The following DOCK4 variants were observed in gnomAD, a reference collection of about 807,000 sequenced individuals.
DOCK4 encodes dedicator of cytokinesis protein 4.
In DOCK4, 97 loss-of-function variants were observed where a neutral mutation model predicts 268.1. The observed-to-expected ratio is 0.36, with a 90% CI of 0.31 to 0.43. The LOEUF (loss-of-function observed/expected upper bound fraction) is 0.43. DOCK4 is among the 20% of genes least tolerant of loss of function. The pLI, the probability that DOCK4 is intolerant of heterozygous loss-of-function variation, is 1.00. For missense variants in DOCK4, 2,145 were observed against 2,455.7 expected (o/e 0.87, Z 2.67); for synonymous variants, 954 against 887.2 (o/e 1.08, Z -1.34).
chr7:112,054,779 G>A (rs570045592), intron 1 of DOCK4, among the ~76,000 whole-genome samples: 6 of 152,200 alleles, frequency 3.9e-5, no homozygotes, highest in African/African-American at 1.4e-4. Flanking sequence ...GTTCGTTTAT[G>A]AGCAACAATA....
At chr7:111,994,300 A>G (rs1445232850) in intron 4 of DOCK4, 69 bp from the exon 5 acceptor site, 2 of 1,004,484 alleles carry the variant, frequency 2.0e-6, no homozygotes, top group Non-Finnish European at 2.9e-6. Context: ...TAAATACTCT[A>G]AAAGATAACT....
At chr7:111,818,947 C>T (rs371976694) in intron 27 of DOCK4, among the ~76,000 whole-genome samples, 10 of 152,228 alleles carry the variant, frequency 6.6e-5, no homozygotes, top group African/African-American at 1.2e-4. Flanking sequence ...CCTCATATCA[C>T]GGTGCTCTTT....
chr7:112,161,304 A>C (rs1427474959), intron 1 of DOCK4, among the ~76,000 whole-genome samples: 1 of 152,218 alleles, frequency 6.6e-6, no homozygotes, highest in East Asian at 1.9e-4. Context: ...ATGTATGCCC[A>C]TTGCAAAATC....
chr7:111,894,818 T>C (rs910867488), intron 16 of DOCK4, among the ~76,000 whole-genome samples: 1 of 152,178 alleles, frequency 6.6e-6, no homozygotes, highest in South Asian at 2.1e-4. Context: ...AGCTTTTGAA[T>C]GGGTCTTAAG....
In DOCK4 at chr7:111,754,429, G is replaced by A. The variant is rs139755533; in HGVS notation, c.4416+1086C>T. Among the ~76,000 whole-genome samples the A allele has an allele frequency of 1.9e-4, 29 of 152,290 alleles. 1 individual carries two copies. In the East Asian group the frequency reaches 5.6e-3, roughly 29 times the overall value. On this transcript the variant is annotated intron_variant, in intron 42 of 52. Transcript: ENST00000428084. ...AGCTGTTCTTTCTTCTGGATTGACA[G>A]AATAGGCTTGTGACCTAAATAAGGT... is the stretch of plus-strand genomic sequence containing the variant.
intron 1 of DOCK4, among the ~76,000 whole-genome samples, chr7:112,073,898 TAGA>T (rs1563058994): frequency 6.6e-6 from 1 of 152,116 alleles, no homozygotes; most frequent in Admixed American, 6.6e-5. Flanking sequence ...TTCAGAAAAC[TAGA>T]AGATTTTAAA....
At chr7:112,204,206 G>T (rs1047888968) in intron 1 of DOCK4, among the ~76,000 whole-genome samples, 1 of 152,262 alleles carries the variant, frequency 6.6e-6, no homozygotes, top group East Asian at 1.9e-4. Context: ...CGCTTGTAAA[G>T]AAAGGCAAGA....
chr7:111,871,940 A>G, intron 20 of DOCK4, 50 bp downstream of exon 20: 1 of 1,426,204 alleles, frequency 7.0e-7, no homozygotes, highest in Non-Finnish European at 9.4e-7. Flanking sequence ...CTGCTGAGAA[A>G]AGCTTGAAAG....
At chr7:112,104,810 C>G (rs761931071) in intron 1 of DOCK4, among the ~76,000 whole-genome samples, 1 of 152,020 alleles carries the variant, frequency 6.6e-6, no homozygotes. Context: ...ATACTTATCT[C>G]ACAGCTCTGG....
rs560689519 is a variant in DOCK4, at chr7:111,847,086, G to A, written c.2514C>T (p.Leu838=). The change falls in exon 24 of 53, where the codon CTC becomes CTT. Residue 838 remains leucine (L), a synonymous_variant. Transcript: ENST00000428084. ...CCTTCTGTTCTTGCAAGTGAATGTG[G>A]AGGTGATGTAACACGACAGGCAGAA... ...YILLPVVLHH[L]HIHLQEQKDL... The A allele has an allele frequency of 1.2e-4, 192 of 1,613,822 alleles. 5 individuals carry two copies. The South Asian group carries it at 1.9e-3, about 16-fold the overall frequency.
intron 1 of DOCK4, among the ~76,000 whole-genome samples, chr7:112,028,122 C>A (rs1027247322): frequency 1.3e-5 from 2 of 152,138 alleles, no homozygotes; most frequent in Non-Finnish European, 2.9e-5. Flanking sequence ...ATCTAGGGAG[C>A]AACTGGTAGC....
chr7:111,790,694 G>C lies in DOCK4; in HGVS notation c.3167-89C>G, dbSNP rs1292390541. 6 of 1,348,804 alleles carry C rather than the reference G, an allele frequency of 4.4e-6. No homozygotes were observed. In the East Asian group the frequency reaches 1.3e-4, roughly 29 times the overall value. 83.6% of individuals were successfully genotyped at this position (1,348,804 alleles called of 1,614,324 possible). A position where few individuals can be genotyped will look rare whatever the true frequency, so the allele number is the denominator to read the frequency against. On this transcript the variant is annotated intron_variant, in intron 30 of 52. Transcript: ENST00000428084. ...ATCATAAAATTTGTTTAAAACTATT[G>C]CTAGAAATATATTCAATTATAGTCG...
At chr7:111,973,593 G>A (rs1797902841) in intron 8 of DOCK4, among the ~76,000 whole-genome samples, 1 of 152,018 alleles carries the variant, frequency 6.6e-6, no homozygotes, top group Non-Finnish European at 1.5e-5. Context: ...GAGTCAATGG[G>A]GGAATCTGAA....
At chr7:111,845,093 G>T (rs1563581212) in intron 24 of DOCK4, among the ~76,000 whole-genome samples, 196 bp from the exon 25 acceptor site, 1 of 152,120 alleles carries the variant, frequency 6.6e-6, no homozygotes, top group Non-Finnish European at 1.5e-5. Context: ...TGGTGCAATG[G>T]ATACCTGAGA....
At chr7:112,079,466 G>C (rs1392475067) in intron 1 of DOCK4, among the ~76,000 whole-genome samples, 1 of 152,148 alleles carries the variant, frequency 6.6e-6, no homozygotes, top group Non-Finnish European at 1.5e-5. Context: ...AAATCCTGCT[G>C]TACTCTACTT....
chr7:112,101,706 A>G (rs1371566780), intron 1 of DOCK4, among the ~76,000 whole-genome samples: 1 of 152,202 alleles, frequency 6.6e-6, no homozygotes, highest in Non-Finnish European at 1.5e-5. Context: ...TTGCTCTTAA[A>G]TAGATCTGTA....
intron 41 of DOCK4, among the ~76,000 whole-genome samples, chr7:111,756,176 G>A (rs931884732): frequency 1.3e-5 from 2 of 152,092 alleles, no homozygotes; most frequent in East Asian, 1.9e-4. Context: ...GTGAAACCGC[G>A]TCTCTGCTAA....
At chr7:112,102,470 A>G (rs1586827087) in intron 1 of DOCK4, among the ~76,000 whole-genome samples, 1 of 152,190 alleles carries the variant, frequency 6.6e-6, no homozygotes, top group East Asian at 1.9e-4. Context: ...TTAATATGTT[A>G]AAATCCTAAC....
chr7:112,092,073 G>A (rs189827667), intron 1 of DOCK4, among the ~76,000 whole-genome samples: 68 of 152,164 alleles, frequency 4.5e-4, no homozygotes, highest in Non-Finnish European at 8.5e-4. Context: ...ACAAACCCAG[G>A]ACCACTTTCT....
Sources: allele counts gnomAD v4.1 joint callset (sites outside exome capture counted in the v4.1 genomes callset), GRCh38; gene constraint gnomAD v4.1.1; transcripts MANE v1.5; gene names NCBI Gene and HGNC (gene_info 2026-07-23, HGNC 2026-07-21).